The following SPOCK1 variants were observed in gnomAD, a reference collection of about 807,000 sequenced individuals.
SPOCK1 encodes the protein SPARC (osteonectin), cwcv and kazal like domains proteoglycan 1.
Under a neutral mutation model 55.3 loss-of-function variants are expected in SPOCK1, and 23 were observed. The ratio of observed to expected loss-of-function variants is 0.42; its 90% confidence interval spans 0.30 to 0.59. The LOEUF (loss-of-function observed/expected upper bound fraction) is 0.59, where lower values mean the gene tolerates loss of function less well. Among genes scored for constraint, SPOCK1 ranks in the 20% least tolerant of loss-of-function variants. The probability of loss-of-function intolerance (pLI) is 0.22; values close to 1 mark genes in which losing one functional copy is unlikely to be tolerated. For synonymous variants in SPOCK1, 226 were observed against 221.0 expected, an observed-to-expected ratio of 1.02 and a Z score of -0.20; for missense variants, 499 against 552.5, an observed-to-expected ratio of 0.90 and a Z score of 0.97.
At chr5:137,405,377 G>C (rs1369322288) in intron 2 of SPOCK1, among the ~76,000 whole-genome samples, 1 of 152,204 alleles carries the variant, frequency 6.6e-6, no homozygotes, top group Non-Finnish European at 1.5e-5. Flanking sequence ...TGAAGGGAGA[G>C]AGCTTGGGGT....
chr5:137,156,526 A>G (rs1360061990), intron 3 of SPOCK1, among the ~76,000 whole-genome samples: 1 of 151,794 alleles, frequency 6.6e-6, no homozygotes, highest in African/African-American at 2.4e-5. Context: ...TGAAGCAGTG[A>G]CCTTCACTGA....
chr5:137,170,484 G>A (rs1754733401), intron 3 of SPOCK1, among the ~76,000 whole-genome samples: 1 of 152,144 alleles, frequency 6.6e-6, no homozygotes, highest in Non-Finnish European at 1.5e-5. Context: ...ATTTGGAGAT[G>A]GGGACTTTGG....
chr5:137,392,235 C>T (rs925772178), intron 2 of SPOCK1, among the ~76,000 whole-genome samples: 2 of 152,154 alleles, frequency 1.3e-5, no homozygotes, highest in African/African-American at 4.8e-5. Context: ...TTTCCCAGAT[C>T]CCCCAAGTCC....
intron 2 of SPOCK1, among the ~76,000 whole-genome samples, chr5:137,278,287 AAATT>A (rs1757107102): frequency 6.6e-6 from 1 of 152,166 alleles, no homozygotes; most frequent in Admixed American, 6.5e-5. Context: ...CCCCAGAAAT[AAATT>A]GAGTCCAAGA....
intron 4 of SPOCK1, among the ~76,000 whole-genome samples, chr5:137,133,166 C>T (rs1753915643): frequency 6.6e-6 from 1 of 152,030 alleles, no homozygotes; most frequent in African/African-American, 2.4e-5. Flanking sequence ...TCAGGTGATA[C>T]AGACCATCCT....
chr5:137,191,427 C>T (rs1755176417), intron 3 of SPOCK1, among the ~76,000 whole-genome samples: 1 of 151,600 alleles, frequency 6.6e-6, no homozygotes, highest in African/African-American at 2.4e-5. Context: ...AATTCTGTAT[C>T]AGTAGACTCT....
intron 3 of SPOCK1, among the ~76,000 whole-genome samples, chr5:137,212,883 T>G (rs546084774): frequency 6.6e-6 from 1 of 152,240 alleles, no homozygotes; most frequent in South Asian, 2.1e-4. Context: ...AATAGAAAAC[T>G]GGGGAGAGTA....
chr5:137,440,717 T>C (rs532030585), intron 2 of SPOCK1, among the ~76,000 whole-genome samples: 1 of 152,230 alleles, frequency 6.6e-6, no homozygotes, highest in Non-Finnish European at 1.5e-5. Flanking sequence ...TTATATTTTA[T>C]TTTTTATATC....
intron 2 of SPOCK1, among the ~76,000 whole-genome samples, chr5:137,461,150 A>G (rs1753481831): frequency 6.6e-6 from 1 of 152,230 alleles, no homozygotes; most frequent in Non-Finnish European, 1.5e-5. Flanking sequence ...CAGGATCTAT[A>G]AATGTGCCTG....
intron 2 of SPOCK1, among the ~76,000 whole-genome samples, chr5:137,466,553 A>G (rs958723758): frequency 6.6e-6 from 1 of 152,240 alleles, no homozygotes; most frequent in African/African-American, 2.4e-5. Flanking sequence ...AGCAGACTCC[A>G]GGATCACACT....
At chr5:137,097,749 C>T (rs1753180967) in intron 5 of SPOCK1, among the ~76,000 whole-genome samples, 1 of 152,160 alleles carries the variant, frequency 6.6e-6, no homozygotes, top group African/African-American at 2.4e-5. Context: ...TACATGTTGG[C>T]AAAATGAATG....
chr5:137,024,312 GAA>G (rs1561583019), intron 6 of SPOCK1, among the ~76,000 whole-genome samples: 6 of 66,648 alleles, frequency 9.0e-5, no homozygotes, highest in African/African-American at 3.1e-4. Context: ...GCACCAGTTT[GAA>G]GGGGGGGGGG....
chr5:137,010,131 C>G (rs1751323917), intron 6 of SPOCK1, among the ~76,000 whole-genome samples: 1 of 149,890 alleles, frequency 6.7e-6, no homozygotes, highest in African/African-American at 2.4e-5. Context: ...CCTGCTGTCT[C>G]TTTTGGACTC....
At chr5:137,459,520 T>C (rs1161199339) in intron 2 of SPOCK1, among the ~76,000 whole-genome samples, 2 of 152,014 alleles carry the variant, frequency 1.3e-5, no homozygotes, top group Non-Finnish European at 2.9e-5. Flanking sequence ...GGGACTTCTT[T>C]TGGAAACTAT....
At chr5:137,078,939 C>T (rs1752825732) in intron 5 of SPOCK1, among the ~76,000 whole-genome samples, 1 of 152,206 alleles carries the variant, frequency 6.6e-6, no homozygotes. Context: ...AGAAAAGGTC[C>T]CCAGAGATCT....
chr5:137,455,566 G>A (rs975104728), intron 2 of SPOCK1, among the ~76,000 whole-genome samples: 6 of 152,172 alleles, frequency 3.9e-5, no homozygotes, highest in African/African-American at 1.2e-4. Context: ...AGATGGCCTG[G>A]AATAATAGCA....
In SPOCK1 at chr5:136,978,479, CAT is replaced by C. The variant is rs1750659574; in HGVS notation, c.*173_*174del. On this transcript the variant is annotated 3_prime_UTR_variant, in exon 11 of 11. Transcript: ENST00000394945. ...CACAACACCCTTTCTCCCATACAAA[CAT>C]ATGCAAAATCAGAATCCTCTGGGAA... 1 of 534,004 alleles carries C rather than the reference CAT, an allele frequency of 1.9e-6. No homozygotes were observed. The highest frequency in any genetic ancestry group is 2.0e-5 in the African/African-American group (1 of 51,036). The allele number at this position is 534,004 out of a possible 1,614,324, so 33.1% of individuals were successfully genotyped here.
At chr5:137,344,011 G>T (rs1750498451) in intron 2 of SPOCK1, among the ~76,000 whole-genome samples, 1 of 152,218 alleles carries the variant, frequency 6.6e-6, no homozygotes, top group Non-Finnish European at 1.5e-5. Flanking sequence ...CCCACAGTGA[G>T]TATTGTCTAT....
intron 6 of SPOCK1, among the ~76,000 whole-genome samples, chr5:137,008,782 T>C (rs1751298673): frequency 6.6e-6 from 1 of 152,080 alleles, no homozygotes; most frequent in Non-Finnish European, 1.5e-5. Flanking sequence ...AGTAATATAA[T>C]ATTGAACATA....
Sources: allele counts gnomAD v4.1 joint callset (sites outside exome capture counted in the v4.1 genomes callset), GRCh38; gene constraint gnomAD v4.1.1; transcripts MANE v1.5; gene names NCBI Gene and HGNC (gene_info 2026-07-23, HGNC 2026-07-21).